The following ZFR variants were observed in gnomAD, a reference collection of about 807,000 sequenced individuals.
ZFR encodes the protein zinc finger RNA-binding protein.
In ZFR, 19 loss-of-function variants were observed where a neutral mutation model predicts 130.7. The ratio of observed to expected loss-of-function variants is 0.15; its 90% CI spans 0.10 to 0.21. The LOEUF is 0.21. Ranked by LOEUF, ZFR falls within the 10% of genes least tolerant of loss-of-function variation. The pLI is 1.00. For missense variants in ZFR, 872 were observed against 1,321.5 expected (o/e 0.66, Z 5.27); for synonymous variants, 466 against 456.9 (o/e 1.02, Z -0.25).
intron 17 of ZFR, among the ~76,000 whole-genome samples, chr5:32,377,376 G>C (rs1284682059): frequency 6.6e-6 from 1 of 151,066 alleles, no homozygotes; most frequent in Middle Eastern, 3.2e-3. Flanking sequence ...GGGATTACAG[G>C]TGTGCATGTT....
intron 16 of ZFR, 73 bp downstream of exon 16, chr5:32,380,002 C>G: frequency 8.2e-7 from 1 of 1,225,698 alleles, no homozygotes; most frequent in Non-Finnish European, 1.2e-6. Context: ...AATGTTTAAG[C>G]ACAGTTAAAC....
intron 9 of ZFR, 126 bp downstream of exon 9, chr5:32,399,881 A>T (rs1470550243): frequency 7.1e-5 from 62 of 867,338 alleles, no homozygotes; most frequent in Non-Finnish European, 1.0e-4. Flanking sequence ...GATTCCTTTA[A>T]TATTCTTTAA....
intron 2 of ZFR, among the ~76,000 whole-genome samples, chr5:32,443,840 G>T (rs967862638): frequency 6.6e-6 from 1 of 152,238 alleles, no homozygotes; most frequent in Non-Finnish European, 1.5e-5. Flanking sequence ...CATCCCCCAA[G>T]TGGGAAGAAG....
chr5:32,431,570 C>T (rs1295605796), intron 2 of ZFR, among the ~76,000 whole-genome samples: 2 of 152,112 alleles, frequency 1.3e-5, no homozygotes, highest in Admixed American at 6.5e-5. Context: ...GTGCATGTTT[C>T]AATTTTGGGT....
chr5:32,432,152 C>T (rs987984174), intron 2 of ZFR, among the ~76,000 whole-genome samples: 2 of 151,978 alleles, frequency 1.3e-5, no homozygotes, highest in Non-Finnish European at 2.9e-5. Flanking sequence ...CCACCAAACC[C>T]GGGTAATTGT....
chr5:32,408,180 AGT>A (rs1280746296), intron 5 of ZFR, among the ~76,000 whole-genome samples: 4 of 152,130 alleles, frequency 2.6e-5, no homozygotes, highest in African/African-American at 9.7e-5. Context: ...AAATTTGATC[AGT>A]GTTTAAAGGA....
At chr5:32,362,789 G>A (rs1441883046) in intron 19 of ZFR, among the ~76,000 whole-genome samples, 1 of 152,110 alleles carries the variant, frequency 6.6e-6, no homozygotes, top group African/African-American at 2.4e-5. Context: ...TCTCCTAAAC[G>A]TCCTCTTAAA....
intron 17 of ZFR, among the ~76,000 whole-genome samples, chr5:32,368,837 T>C (rs1480521155): frequency 6.6e-6 from 1 of 152,208 alleles, no homozygotes; most frequent in Non-Finnish European, 1.5e-5. Flanking sequence ...ATGACTATCA[T>C]TCCCATTTTA....
intron 8 of ZFR, among the ~76,000 whole-genome samples, chr5:32,402,625 A>C (rs1389464496): frequency 6.6e-6 from 1 of 151,444 alleles, no homozygotes; most frequent in Non-Finnish European, 1.5e-5. Flanking sequence ...AAAAAAAAAA[A>C]AAACTGGCTG....
Position 32,359,808 on chromosome 5 carries a change from G to T in ZFR, c.3046-3869C>A, listed in dbSNP as rs183295837. On this transcript the variant is annotated intron_variant, in intron 19 of 19. Coordinates refer to ENST00000265069, the MANE Select transcript of ZFR (RefSeq NM_016107.5). ...TACTAAAAATACAAAAAGTAGCCGG[G>T]GGGTGGTGGCACATGCCTGTAATCC... 9.2e-5 allele frequency among the ~76,000 whole-genome samples: 14 copies of T among 152,258 alleles called. No individual in the cohort carries two copies. In the East Asian group the frequency reaches 1.9e-3, roughly 21 times the overall value.
chr5:32,365,707 G>C (rs1752526490), intron 17 of ZFR, among the ~76,000 whole-genome samples: 1 of 150,752 alleles, frequency 6.6e-6, no homozygotes, highest in South Asian at 2.1e-4. Flanking sequence ...AAGAGCTTGA[G>C]GTTGCAGTGA....
chr5:32,437,242 T>C (rs2111868948), intron 2 of ZFR, among the ~76,000 whole-genome samples: 1 of 152,310 alleles, frequency 6.6e-6, no homozygotes, highest in East Asian at 1.9e-4. Flanking sequence ...TATAATGGCA[T>C]AGTTATTTGT....
intron 2 of ZFR, among the ~76,000 whole-genome samples, chr5:32,426,867 G>A (rs961336844): frequency 1.4e-5 from 2 of 146,734 alleles, no homozygotes; most frequent in East Asian, 2.0e-4. Context: ...ATTGTGCCAC[G>A]GCACTCCAGC....
intron 4 of ZFR, 43 bp from the exon 5 acceptor site, chr5:32,415,230 A>G (rs1753792121): frequency 6.5e-7 from 1 of 1,526,772 alleles, no homozygotes; most frequent in Non-Finnish European, 9.0e-7. Flanking sequence ...AGAGTAAGCC[A>G]CTATAGTTAC....
chr5:32,370,043 C>T (rs190996650), intron 17 of ZFR, among the ~76,000 whole-genome samples: 94 of 149,380 alleles, frequency 6.3e-4, no homozygotes, highest in Admixed American at 1.4e-3. Context: ...AGCCTGGATT[C>T]TTGCACTTAG....
At chr5:32,373,982 T>C (rs1248791227) in intron 17 of ZFR, among the ~76,000 whole-genome samples, 3 of 152,258 alleles carry the variant, frequency 2.0e-5, no homozygotes, top group South Asian at 4.2e-4. Flanking sequence ...GTGAAGTGCA[T>C]GGGTGACTCT....
At chr5:32,435,645 T>C (rs1754316586) in intron 2 of ZFR, among the ~76,000 whole-genome samples, 1 of 152,238 alleles carries the variant, frequency 6.6e-6, no homozygotes, top group Admixed American at 6.5e-5. Context: ...ACAGTTTTAT[T>C]GTTTTTCCCA....
intron 2 of ZFR, among the ~76,000 whole-genome samples, chr5:32,431,518 C>T (rs1754214541): frequency 6.6e-6 from 1 of 152,212 alleles, no homozygotes; most frequent in African/African-American, 2.4e-5. Context: ...CTGTTATTCA[C>T]ATTAAATGTG....
chr5:32,384,588 T>A (rs1461619702), intron 15 of ZFR, among the ~76,000 whole-genome samples: 1 of 152,292 alleles, frequency 6.6e-6, no homozygotes, highest in East Asian at 1.9e-4. Flanking sequence ...CTCTTCCTCC[T>A]CAACCTGTAT....
Sources: allele counts gnomAD v4.1 joint callset (sites outside exome capture counted in the v4.1 genomes callset), GRCh38; gene constraint gnomAD v4.1.1; transcripts MANE v1.5; gene names NCBI Gene and HGNC (gene_info 2026-07-23, HGNC 2026-07-21).